Variants in ATP10A observed in about 807,000 individuals in gnomAD.
The protein encoded by ATP10A is phospholipid-transporting ATPase VA.
In ATP10A, 111 loss-of-function variants were observed where a neutral mutation model predicts 147.8. That is an observed-to-expected ratio of 0.75 (90% CI 0.64 to 0.88). The LOEUF (loss-of-function observed/expected upper bound fraction) is 0.88, where lower values mean the gene tolerates loss of function less well. Ranked by LOEUF, ATP10A falls within the 40% of genes least tolerant of loss-of-function variation. ATP10A has a pLI of 0.00. For missense variants in ATP10A, 1,927 were observed against 1,959.0 expected, an observed-to-expected ratio of 0.98 and a Z score of 0.31; for synonymous variants, 875 against 841.6, an observed-to-expected ratio of 1.04 and a Z score of -0.69.
At chr15:25,807,280 G>C (rs1374373711) in intron 1 of ATP10A, among the ~76,000 whole-genome samples, 1 of 152,208 alleles carries the variant, frequency 6.6e-6, no homozygotes, top group Non-Finnish European at 1.5e-5. Flanking sequence ...GCAGCCAGCA[G>C]GGTGGCCCCC....
At chr15:25,735,939 A>G in intron 3 of ATP10A, 117 bp downstream of exon 3, 1 of 946,030 alleles carries the variant, frequency 1.1e-6, no homozygotes, top group Non-Finnish European at 1.7e-6. Flanking sequence ...ATTCCCAAAC[A>G]GCTACACCAT....
At chr15:25,856,422 CTT>C (rs1893522082) in intron 1 of ATP10A, among the ~76,000 whole-genome samples, 1 of 152,160 alleles carries the variant, frequency 6.6e-6, no homozygotes, top group African/African-American at 2.4e-5. Flanking sequence ...AACCTGTTTT[CTT>C]TATAAATTAC....
At chr15:25,797,899 A>G (rs1890755981) in intron 1 of ATP10A, among the ~76,000 whole-genome samples, 1 of 152,312 alleles carries the variant, frequency 6.6e-6, no homozygotes, top group Non-Finnish European at 1.5e-5. Context: ...CTCCAGGGAC[A>G]TCTACAGGGA....
At chr15:25,823,946 T>C (rs1298120973) in intron 1 of ATP10A, among the ~76,000 whole-genome samples, 2 of 152,214 alleles carry the variant, frequency 1.3e-5, no homozygotes, top group East Asian at 1.9e-4. Flanking sequence ...TTTGCACCTA[T>C]GCACCTCTGC....
chr15:25,762,067 C>T (rs118072870), intron 2 of ATP10A, among the ~76,000 whole-genome samples: 2 of 152,202 alleles, frequency 1.3e-5, no homozygotes, highest in Non-Finnish European at 2.9e-5. Flanking sequence ...GGTCGGTTCC[C>T]CCCATGCTGT....
chr15:25,716,755 G>A lies in ATP10A; in HGVS notation c.1751C>T (p.Thr584Met), dbSNP rs1250531615. 11 of 1,596,282 alleles carry A rather than the reference G, an allele frequency of 6.9e-6. No homozygotes were observed. Among genetic ancestry groups the A allele is most frequent in the East Asian group, 4.6e-5 (2 of 43,478 alleles). Reference sequence around the variant, plus strand: ...CTTTGTTCGTGGCTGATCCGGGGACGTGACGACGACTGTGTTGCAGATGGT... The same window carrying A: ...CTTTGTTCGTGGCTGATCCGGGGACATGACGACGACTGTGTTGCAGATGGT... Reference protein sequence around the residue: ...ALTICNTVVVTSPDQPRTKVR... With the variant: ...ALTICNTVVVMSPDQPRTKVR... Residue 584 changes from threonine (T) to methionine (M), a missense_variant, in exon 9 of 21, where the codon ACG becomes ATG. By Grantham distance (81) the Thr-to-Met change is moderately conservative (BLOSUM62 -1). Transcript: ENST00000555815.
At position 25,802,605 on chromosome 15, in the gene ATP10A, G is replaced by C. The variant is rs181711528; in HGVS notation, c.450-21382C>G. Among the ~76,000 whole-genome samples the C allele has an allele frequency of 2.4e-3, 371 of 152,330 alleles. 3 individuals are homozygous for C. Among genetic ancestry groups the C allele is most frequent in the African/African-American group, 8.3e-3 (345 of 41,580 alleles). On this transcript the variant is annotated intron_variant, in intron 1 of 20. Transcript: ENST00000555815. ...CGCTCCTTCCTGGAGTCTCAGCGGA[G>C]AGTATGCTTCCCTGCCTCTCCTGGT...
At position 25,714,166 on chromosome 15, in the gene ATP10A, G is replaced by A; in HGVS notation, c.1852C>T (p.Leu618=). ...DFLRRFTPSC[L]TSGCSSIGSL... ...CCGATGCTGCTGCAGCCTGAGGTCA[G>A]GCAGCTGGGTGTGAACCTCCGCAGG... The change falls in exon 10 of 21, where the codon CTG becomes TTG. Residue 618 remains leucine, a synonymous_variant. Coordinates refer to ENST00000555815, the MANE Select transcript of ATP10A (RefSeq NM_024490.4). 6.2e-7 allele frequency: 1 copy of A among 1,609,640 alleles called. No homozygotes were observed. Among genetic ancestry groups the A allele is most frequent in the Non-Finnish European group, 8.5e-7 (1 of 1,180,024 alleles).
chr15:25,721,962 G>A, intron 6 of ATP10A, 53 bp from the exon 7 acceptor site: 2 of 1,550,102 alleles, frequency 1.3e-6, no homozygotes, highest in Non-Finnish European at 1.8e-6. Context: ...AGGGAGCTGG[G>A]GAATTACTCA....
At chr15:25,683,121 G>A (rs186360520) in intron 17 of ATP10A, among the ~76,000 whole-genome samples, 165 bp downstream of exon 17, 3 of 152,210 alleles carry the variant, frequency 2.0e-5, no homozygotes, top group Admixed American at 1.3e-4. Context: ...CTGCAGCCAA[G>A]CAGAGGGCAG....
At chr15:25,857,698 A>G (rs1300032862) in intron 1 of ATP10A, among the ~76,000 whole-genome samples, 2 of 152,162 alleles carry the variant, frequency 1.3e-5, no homozygotes, top group African/African-American at 2.4e-5. Flanking sequence ...ATTTCTATGT[A>G]TGTGAAATTT....
chr15:25,681,652 C>A (rs1899416811), intron 17 of ATP10A, among the ~76,000 whole-genome samples: 2 of 152,112 alleles, frequency 1.3e-5, no homozygotes, highest in African/African-American at 4.8e-5. Context: ...CCCCAGAGGC[C>A]CGATGAAAAG....
chr15:25,695,675 G>A (rs975077764), intron 13 of ATP10A, among the ~76,000 whole-genome samples: 8 of 151,822 alleles, frequency 5.3e-5, no homozygotes, highest in African/African-American at 1.9e-4. Flanking sequence ...GATCTTACTT[G>A]ATCACCCATG....
chr15:25,718,365 C>T lies in ATP10A; in HGVS notation c.1398G>A (p.Ser466=), dbSNP rs775597221. 10 of 1,607,672 alleles carry T rather than the reference C, an allele frequency of 6.2e-6. No individual in the cohort carries two copies. Among genetic ancestry groups the T allele is most frequent in the South Asian group, 5.5e-5 (5 of 90,206 alleles). The change falls in exon 8 of 21, where the codon TCG becomes TCA. Residue 466 remains serine, a synonymous_variant. Coordinates refer to ENST00000555815, the MANE Select transcript of ATP10A (RefSeq NM_024490.4). ...CTCTGGGCACCACCTCCTCCTCCTC[C>T]GAGTCTGCCTCTTGGTACCTGGCCA... The part of the protein sequence containing the change: ...QRLARYQEAD[S]EEEEVVPRGG...
intron 12 of ATP10A, among the ~76,000 whole-genome samples, chr15:25,706,967 C>T (rs908181953): frequency 6.6e-6 from 1 of 152,146 alleles, no homozygotes; most frequent in Non-Finnish European, 1.5e-5. Context: ...AACTTCAGGG[C>T]CTAAAACAGG....
intron 2 of ATP10A, among the ~76,000 whole-genome samples, chr15:25,737,981 C>G (rs953092233): frequency 5.3e-5 from 8 of 152,176 alleles, no homozygotes; most frequent in African/African-American, 1.9e-4. Context: ...ACTTCCGTTG[C>G]TTAAGCAGCC....
At chr15:25,749,950 T>C (rs1284172672) in intron 2 of ATP10A, among the ~76,000 whole-genome samples, 1 of 151,894 alleles carries the variant, frequency 6.6e-6, no homozygotes, top group Non-Finnish European at 1.5e-5. Context: ...GAAAAAAGAA[T>C]CAAAAGAGAG....
intron 12 of ATP10A, among the ~76,000 whole-genome samples, chr15:25,707,767 TG>T (rs1217892317): frequency 6.6e-6 from 1 of 152,112 alleles, no homozygotes; most frequent in Admixed American, 6.5e-5. Flanking sequence ...TTGGGGTGCC[TG>T]GGGGGCAGCA....
rs529389538 is a variant in ATP10A, at chr15:25,741,787, G to A, written c.655-5646C>T. 2.0e-5 allele frequency among the ~76,000 whole-genome samples: 3 copies of A among 152,286 alleles called. No individual in the cohort carries two copies. The South Asian group carries it at 6.2e-4, about 32-fold the overall frequency. Reference sequence around the variant, plus strand: ...TTTGCTAAACTGAAACAGCAAAGTAGTCTGTTTTTGTCCACCACGTGTCTC... The same window carrying A: ...TTTGCTAAACTGAAACAGCAAAGTAATCTGTTTTTGTCCACCACGTGTCTC... On this transcript the variant is annotated intron_variant, in intron 2 of 20. Coordinates refer to ENST00000555815, the MANE Select transcript of ATP10A (RefSeq NM_024490.4).
Sources: gnomAD v4.1 joint callset for allele counts (sites outside exome capture counted in the v4.1 genomes callset) on GRCh38, gnomAD v4.1.1 for gene constraint, MANE v1.5 for transcripts, NCBI Gene and HGNC (gene_info 2026-07-23, HGNC 2026-07-21) for gene names.